TUSC3: variants seen among roughly 807,000 people sequenced by gnomAD.
TUSC3 encodes dolichyl-diphosphooligosaccharide--protein glycosyltransferase subunit TUSC3.
A neutral mutation model predicts 44.8 loss-of-function variants in TUSC3; 45 were observed. The observed-to-expected ratio is 1.00, with a 90% CI of 0.79 to 1.29. The LOEUF (loss-of-function observed/expected upper bound fraction) is 1.29. Ranked by LOEUF, TUSC3 falls within the 50% of genes most tolerant of loss-of-function variation. TUSC3 has a pLI of 0.00. For missense variants in TUSC3, 519 were observed against 437.9 expected (o/e 1.19, Z -1.65); for synonymous variants, 212 against 152.9 (o/e 1.39, Z -2.85).
At chr8:15,755,189 G>T (rs928753970) in intron 9 of TUSC3, among the ~76,000 whole-genome samples, 15 of 152,190 alleles carry the variant, frequency 9.9e-5, no homozygotes, top group Non-Finnish European at 1.5e-4. Context: ...CTAGCTGTGT[G>T]ACCTTGGGCA....
the TUSC3 span, among the ~76,000 whole-genome samples, chr8:15,844,121 G>A: frequency 4.8e-4 from 73 of 152,098 alleles, no homozygotes; most frequent in African/African-American, 1.7e-3. Context: ...TTTGTTTTCT[G>A]GTGTAGCAGA....
chr8:15,819,903 T>A, the TUSC3 span, among the ~76,000 whole-genome samples: 1 of 152,192 alleles, frequency 6.6e-6, no homozygotes, highest in Admixed American at 6.5e-5. Context: ...ATTTATTATA[T>A]GTTTTTCAAA....
chr8:15,423,977 T>G (rs1410181871), intron 1 of TUSC3, among the ~76,000 whole-genome samples: 39 of 80,202 alleles, frequency 4.9e-4, no homozygotes, highest in African/African-American at 9.7e-4. Flanking sequence ...TTGTTTTTTT[T>G]TTTTTTTTTT....
At chr8:15,682,811 CTT>C (rs3988415) in intron 6 of TUSC3, among the ~76,000 whole-genome samples, 3 of 129,742 alleles carry the variant, frequency 2.3e-5, no homozygotes, top group African/African-American at 3.2e-5. Flanking sequence ...CTAGAACTTT[CTT>C]TTTTTTTTTT....
chr8:15,479,820 G>T (rs1800634516), intron 1 of TUSC3, among the ~76,000 whole-genome samples: 1 of 152,148 alleles, frequency 6.6e-6, no homozygotes, highest in African/African-American at 2.4e-5. Context: ...GCAAGAGAAA[G>T]AAATAAAGCG....
chr8:15,743,378 C>T (rs1811275133), intron 7 of TUSC3, 160 bp from the exon 8 acceptor site: 1 of 740,708 alleles, frequency 1.4e-6, no homozygotes, highest in Non-Finnish European at 2.3e-6. Context: ...CATATTTGCT[C>T]ACAAAGAATG....
Position 15,440,922 on chromosome 8 carries a change from A to C in TUSC3, n.91+23617A>C, listed in dbSNP as rs1017259826. 2.6e-5 allele frequency among the ~76,000 whole-genome samples: 4 copies of C among 152,310 alleles called. No individual in the cohort carries two copies. In the South Asian group the frequency reaches 6.2e-4, roughly 24 times the overall value. Reference sequence around the variant, plus strand: ...TCTAACAAAGAGGAAACCATTGCCAAGTTATGTTGATGGACCAATTTCTAG... The same window carrying C: ...TCTAACAAAGAGGAAACCATTGCCACGTTATGTTGATGGACCAATTTCTAG... On this transcript the variant is annotated intron_variant and non_coding_transcript_variant, in intron 1 of 5. Transcript: ENST00000503191.
intron 5 of TUSC3, among the ~76,000 whole-genome samples, chr8:15,664,437 TTTATTATTATTATTATTATTA>T (rs56049201): frequency 2.1e-5 from 3 of 143,882 alleles, no homozygotes; most frequent in South Asian, 2.2e-4. Flanking sequence ...GTTATACAGA[TTTATTATTATTATTATTATTA>T]TTATTATTAT....
At chr8:15,740,287 C>T (rs1278954363) in intron 7 of TUSC3, among the ~76,000 whole-genome samples, 1 of 151,836 alleles carries the variant, frequency 6.6e-6, no homozygotes, top group Non-Finnish European at 1.5e-5. Context: ...AGGCTAGAAA[C>T]CTAGAAGGAG....
chr8:15,849,081 T>G, the TUSC3 span, among the ~76,000 whole-genome samples: 10,427 of 152,176 alleles, frequency 0.069, 1,173 homozygotes, highest in African/African-American at 0.24. Context: ...ACTAAGAACT[T>G]TTCAGATTTG....
intron 1 of TUSC3, among the ~76,000 whole-genome samples, chr8:15,440,994 A>G (rs376301516): frequency 4.6e-5 from 7 of 152,304 alleles, no homozygotes; most frequent in South Asian, 2.1e-4. Flanking sequence ...GGCAAGTACT[A>G]TTTCTGGAAT....
the TUSC3 span, among the ~76,000 whole-genome samples, chr8:15,839,255 T>G: frequency 6.6e-6 from 1 of 152,188 alleles, no homozygotes. Context: ...AAGGAGATTT[T>G]GGGCTGAGAT....
At chr8:15,504,342 T>A (rs1319499328) in intron 2 of TUSC3, among the ~76,000 whole-genome samples, 1 of 151,838 alleles carries the variant, frequency 6.6e-6, no homozygotes, top group East Asian at 1.9e-4. Context: ...AGAGGTTTTG[T>A]GAGATTTTAA....
intron 2 of TUSC3, among the ~76,000 whole-genome samples, chr8:15,502,268 A>AT (rs1800977503): frequency 6.6e-6 from 1 of 152,176 alleles, no homozygotes; most frequent in African/African-American, 2.4e-5. Flanking sequence ...ATATATTCTT[A>AT]TTTTTTCCCA....
intron 5 of TUSC3, among the ~76,000 whole-genome samples, chr8:15,666,469 C>G (rs1308415442): frequency 1.3e-5 from 2 of 151,214 alleles, no homozygotes; most frequent in East Asian, 3.9e-4. Context: ...TGAAAATCTT[C>G]AACATTGGAG....
intron 1 of TUSC3, among the ~76,000 whole-genome samples, chr8:15,601,984 A>G (rs1160865654): frequency 6.6e-6 from 1 of 151,444 alleles, no homozygotes; most frequent in Non-Finnish European, 1.5e-5. Flanking sequence ...TATAATTTGT[A>G]TCAATTGAGC....
intron 2 of TUSC3, among the ~76,000 whole-genome samples, chr8:15,635,646 C>A (rs563770566): frequency 2.6e-5 from 4 of 152,148 alleles, no homozygotes; most frequent in Admixed American, 6.6e-5. Flanking sequence ...GTGGTAGCCC[C>A]GACAAAAGAA....
chr8:15,647,198 T>C (rs1806671005), intron 2 of TUSC3, among the ~76,000 whole-genome samples: 1 of 152,156 alleles, frequency 6.6e-6, no homozygotes. Context: ...GCATTTACAT[T>C]ATTATTTCTG....
At chr8:15,802,459 G>GTCGC in the TUSC3 span, among the ~76,000 whole-genome samples, 1 of 152,012 alleles carries the variant, frequency 6.6e-6, no homozygotes, top group African/African-American at 2.4e-5. Flanking sequence ...GTCTTGCACT[G>GTCGC]TCGCCAGGCT....
Sources: gnomAD v4.1 joint callset for allele counts (sites outside exome capture counted in the v4.1 genomes callset) on GRCh38, gnomAD v4.1.1 for gene constraint, MANE v1.5 for transcripts, NCBI Gene and HGNC (gene_info 2026-07-23, HGNC 2026-07-21) for gene names.